AGBL4: variants seen among roughly 807,000 people sequenced by gnomAD.
The protein encoded by AGBL4 is AGBL carboxypeptidase 4.
Under a neutral mutation model 66.4 loss-of-function variants are expected in AGBL4, and 58 were observed. That is an observed-to-expected ratio of 0.87 (90% confidence interval 0.71 to 1.09). The LOEUF is 1.09. AGBL4 is among the 50% of genes least tolerant of loss of function. The pLI, the probability that AGBL4 is intolerant of heterozygous loss-of-function variation, is 0.00. For synonymous variants in AGBL4, 234 were observed against 222.9 expected (o/e 1.05, Z -0.44); for missense variants, 579 against 631.0 (o/e 0.92, Z 0.88).
chr1:49,455,746 T>C (rs1461526714), intron 3 of AGBL4, among the ~76,000 whole-genome samples: 1 of 151,660 alleles, frequency 6.6e-6, no homozygotes, highest in Non-Finnish European at 1.5e-5. Context: ...ATCTCTTATA[T>C]TCTTATCTGC....
chr1:50,019,300 T>TC (rs1321424494), intron 1 of AGBL4, among the ~76,000 whole-genome samples: 1 of 72,068 alleles, frequency 1.4e-5, no homozygotes, highest in Non-Finnish European at 3.0e-5. Context: ...TCTCTCTCTC[T>TC]CTCTCTCACA....
At chr1:48,613,929 TTA>T (rs1284551702) in intron 9 of AGBL4, among the ~76,000 whole-genome samples, 1 of 152,242 alleles carries the variant, frequency 6.6e-6, no homozygotes, top group Non-Finnish European at 1.5e-5. Flanking sequence ...TGTGCAATAA[TTA>T]TGAGTTAAGG....
intron 3 of AGBL4, among the ~76,000 whole-genome samples, chr1:49,507,003 A>G (rs1028705335): frequency 2.6e-5 from 4 of 152,082 alleles, no homozygotes; most frequent in African/African-American, 4.8e-5. Context: ...TGGCCTTTTA[A>G]TTAACAGAAT....
intron 5 of AGBL4, among the ~76,000 whole-genome samples, chr1:48,987,704 T>C (rs1231400252): frequency 6.6e-6 from 1 of 152,146 alleles, no homozygotes; most frequent in Non-Finnish European, 1.5e-5. Flanking sequence ...GCAGGATATA[T>C]ATTTTTCTCA....
intron 3 of AGBL4, among the ~76,000 whole-genome samples, chr1:49,387,207 G>T (rs766453712): frequency 4.0e-5 from 6 of 151,748 alleles, no homozygotes; most frequent in Admixed American, 1.3e-4. Flanking sequence ...AATCTTCAGG[G>T]TTCCTTTCAC....
intron 1 of AGBL4, among the ~76,000 whole-genome samples, chr1:50,010,475 C>CAT (rs1661453599): frequency 6.6e-6 from 1 of 151,230 alleles, no homozygotes; most frequent in South Asian, 2.1e-4. Flanking sequence ...CACAAACACA[C>CAT]ACACACACAC....
intron 3 of AGBL4, among the ~76,000 whole-genome samples, chr1:49,694,665 A>C (rs898876180): frequency 6.6e-6 from 1 of 152,168 alleles, no homozygotes; most frequent in African/African-American, 2.4e-5. Context: ...TTGCACAGTT[A>C]ATTGATAGAT....
At chr1:48,803,020 G>A (rs1215338399) in intron 6 of AGBL4, among the ~76,000 whole-genome samples, 1 of 152,208 alleles carries the variant, frequency 6.6e-6, no homozygotes, top group Non-Finnish European at 1.5e-5. Flanking sequence ...ATAGGTCCTT[G>A]AGTATCTGAG....
At chr1:49,834,637 A>T (rs1366736787) in intron 2 of AGBL4, among the ~76,000 whole-genome samples, 1 of 151,752 alleles carries the variant, frequency 6.6e-6, no homozygotes, top group South Asian at 2.1e-4. Flanking sequence ...TTTTCTTTTG[A>T]TTCTCTAGTT....
chr1:48,766,338 T>C (rs186976634), intron 6 of AGBL4, among the ~76,000 whole-genome samples: 1 of 152,318 alleles, frequency 6.6e-6, no homozygotes, highest in East Asian at 1.9e-4. Context: ...AGCCTATGCT[T>C]TAAACACATT....
intron 1 of AGBL4, among the ~76,000 whole-genome samples, chr1:49,954,562 A>C (rs933318075): frequency 1.9e-4 from 29 of 152,102 alleles, no homozygotes; most frequent in African/African-American, 7.0e-4. Context: ...CAGAATCATG[A>C]ACCAATACAT....
chr1:48,759,288 T>A (rs1478561600), intron 6 of AGBL4: 3 of 1,552,458 alleles, frequency 1.9e-6, no homozygotes, highest in Non-Finnish European at 2.6e-6. Context: ...CAGGTCTCTG[T>A]GTAGGACAAC....
At chr1:49,864,066 G>T (rs778471962) in intron 1 of AGBL4, among the ~76,000 whole-genome samples, 26 of 152,066 alleles carry the variant, frequency 1.7e-4, no homozygotes, top group African/African-American at 2.4e-4. Flanking sequence ...TATACACAAT[G>T]GAGTATTATC....
At chr1:48,647,625 C>T in intron 8 of AGBL4, 1 of 452,688 alleles carries the variant, frequency 2.2e-6, no homozygotes, top group Non-Finnish European at 4.4e-6. Context: ...AAATGCAAAC[C>T]CAACACAGGG....
At chr1:48,602,666 C>G (rs779528361) in intron 9 of AGBL4, among the ~76,000 whole-genome samples, 1 of 152,088 alleles carries the variant, frequency 6.6e-6, no homozygotes, top group Non-Finnish European at 1.5e-5. Context: ...TGTACTTTAT[C>G]CTAGGGAAAA....
At chr1:49,999,060 T>C (rs1660560693) in intron 1 of AGBL4, among the ~76,000 whole-genome samples, 1 of 151,928 alleles carries the variant, frequency 6.6e-6, no homozygotes, top group African/African-American at 2.4e-5. Context: ...CTATTCAACA[T>C]AGTACTGGAA....
chr1:48,945,660 CACA>C (rs1461628510), intron 5 of AGBL4, among the ~76,000 whole-genome samples: 5 of 152,070 alleles, frequency 3.3e-5, no homozygotes, highest in South Asian at 2.1e-4. Flanking sequence ...GGGAAAAAAC[CACA>C]ACAACTTTAT....
intron 6 of AGBL4, among the ~76,000 whole-genome samples, chr1:48,794,390 C>T (rs930688073): frequency 6.6e-6 from 1 of 152,142 alleles, no homozygotes; most frequent in Admixed American, 6.5e-5. Flanking sequence ...CCTCACTCAT[C>T]CCTGCCTCTC....
intron 4 of AGBL4, among the ~76,000 whole-genome samples, chr1:49,110,706 AACAACCTTG>A (rs1645389469): frequency 6.6e-6 from 1 of 151,972 alleles, no homozygotes; most frequent in South Asian, 2.1e-4. Context: ...ACTATTAGCA[AACAACCTTG>A]ACCCCGTGAC....
Sources: allele counts gnomAD v4.1 joint callset (sites outside exome capture counted in the v4.1 genomes callset), GRCh38; gene constraint gnomAD v4.1.1; transcripts MANE v1.5; gene names NCBI Gene and HGNC (gene_info 2026-07-23, HGNC 2026-07-21).